The following NEO1 variants were observed in gnomAD, a reference collection of about 807,000 sequenced individuals.
The protein encoded by NEO1 is neogenin 1.
Under a neutral mutation model 159.7 loss-of-function variants are expected in NEO1, and 63 were observed. That is an observed-to-expected ratio of 0.39 (90% CI 0.32 to 0.49). NEO1 has a LOEUF of 0.49. Ranked by LOEUF, NEO1 falls within the 20% of genes least tolerant of loss-of-function variation. The pLI is 0.85. For missense variants in NEO1, 1,615 were observed against 1,831.0 expected (o/e 0.88, Z 2.15); for synonymous variants, 633 against 662.0 (o/e 0.96, Z 0.67).
At chr15:73,222,270 A>C (rs2038337333) in intron 7 of NEO1, among the ~76,000 whole-genome samples, 1 of 151,074 alleles carries the variant, frequency 6.6e-6, no homozygotes, top group Non-Finnish European at 1.5e-5. Flanking sequence ...ACACCCAGCT[A>C]ATTTTTTGTA....
chr15:73,077,467 T>G (rs2068829880), intron 1 of NEO1, among the ~76,000 whole-genome samples: 1 of 152,194 alleles, frequency 6.6e-6, no homozygotes, highest in Admixed American at 6.5e-5. Flanking sequence ...CATAAACAAG[T>G]AAGTACAAGG....
intron 22 of NEO1, among the ~76,000 whole-genome samples, chr15:73,280,296 A>G (rs1258107090): frequency 6.6e-6 from 1 of 152,166 alleles, no homozygotes; most frequent in African/African-American, 2.4e-5. Context: ...AAAAAAAAAA[A>G]AAGGAAGCTG....
At chr15:73,107,889 A>G (rs1455836561) in intron 1 of NEO1, among the ~76,000 whole-genome samples, 1 of 152,192 alleles carries the variant, frequency 6.6e-6, no homozygotes, top group Non-Finnish European at 1.5e-5. Flanking sequence ...GTGGCTTATA[A>G]GATATTTCTA....
intron 7 of NEO1, among the ~76,000 whole-genome samples, chr15:73,236,134 T>G (rs974647032): frequency 6.6e-6 from 1 of 152,226 alleles, no homozygotes; most frequent in Admixed American, 6.5e-5. Context: ...CATGTTAGCC[T>G]TCAGTTTAAT....
At chr15:73,291,710 A>G (rs928849154) in intron 25 of NEO1, among the ~76,000 whole-genome samples, 1 of 152,218 alleles carries the variant, frequency 6.6e-6, no homozygotes, top group Non-Finnish European at 1.5e-5. Flanking sequence ...GTTCAGAGTC[A>G]GCTAACAGCT....
chr15:73,289,178 G>A lies in NEO1; in HGVS notation c.3682G>A (p.Ala1228Thr). Residue 1228 changes from alanine (A) to threonine (T), a missense_variant, in exon 25 of 29, where the codon GCT becomes ACT. By Grantham distance (58) the Ala-to-Thr change is moderately conservative. Coordinates refer to ENST00000261908, the MANE Select transcript of NEO1 (RefSeq NM_002499.4). ...GTCAGAGGACAGCATGTCTACACTG[G>A]CTGGAAGGCGAGGAATGAGACCAAA... is the stretch of plus-strand genomic sequence containing the variant. Reference protein sequence around the residue: ...HESEDSMSTLAGRRGMRPKMM... With the variant: ...HESEDSMSTLTGRRGMRPKMM... The A allele has an allele frequency of 6.2e-7, 1 of 1,614,064 alleles. No homozygotes were observed. The highest frequency in any genetic ancestry group is 8.5e-7 in the Non-Finnish European group (1 of 1,179,998).
chr15:73,105,347 G>A (rs2070632740), intron 1 of NEO1, among the ~76,000 whole-genome samples: 1 of 152,186 alleles, frequency 6.6e-6, no homozygotes, highest in Non-Finnish European at 1.5e-5. Flanking sequence ...AGTGCCTGCT[G>A]CGTGTTGTGT....
rs57566986 is a variant in NEO1 at position 73,244,954 on chromosome 15, C to CAAAAAAAAAAAAAAAAAAA, written c.1606+467_1606+485dup. Among the ~76,000 whole-genome samples the CAAAAAAAAAAAAAAAAAAA allele has an allele frequency of 1.5e-3, 24 of 16,522 alleles. 1 individual carries two copies. The highest frequency in any genetic ancestry group is 3.1e-3 in the Admixed American group (3 of 966). The allele number at this position is 16,522 out of a possible 152,430, so 10.8% of individuals were successfully genotyped here. On this transcript the variant is annotated intron_variant, in intron 9 of 28. Coordinates refer to ENST00000261908, the MANE Select transcript of NEO1 (RefSeq NM_002499.4). ...TGGGTGACAGAGTGAGACTCTGTCTCAAAAAAAAAAAAAAAAAAAAAAAAA... is the reference window on the plus strand; with the variant it reads ...TGGGTGACAGAGTGAGACTCTGTCTCAAAAAAAAAAAAAAAAAAAAAAAAAAAAAAAAAAAAAAAAAAAA...
chr15:73,149,591 C>A (rs2151828509), intron 5 of NEO1, among the ~76,000 whole-genome samples: 1 of 147,980 alleles, frequency 6.8e-6, no homozygotes, highest in South Asian at 2.2e-4. Flanking sequence ...TTCAGTGATT[C>A]TTGTGCAGAA....
At chr15:73,283,963 T>C (rs2041837681) in intron 23 of NEO1, among the ~76,000 whole-genome samples, 1 of 152,210 alleles carries the variant, frequency 6.6e-6, no homozygotes, top group African/African-American at 2.4e-5. Context: ...ATAATCAATT[T>C]ATCAGTTTCT....
intron 3 of NEO1, among the ~76,000 whole-genome samples, chr15:73,124,521 T>C (rs2029897231): frequency 6.6e-6 from 1 of 152,158 alleles, no homozygotes; most frequent in South Asian, 2.1e-4. Context: ...CTTTTCTCCC[T>C]CACTCGAAGA....
At chr15:73,266,649 T>A (rs962894025) in intron 16 of NEO1, among the ~76,000 whole-genome samples, 3 of 152,064 alleles carry the variant, frequency 2.0e-5, no homozygotes, top group Non-Finnish European at 2.9e-5. Flanking sequence ...ATATACACGT[T>A]TTTAATCTGT....
intron 1 of NEO1, among the ~76,000 whole-genome samples, chr15:73,114,353 C>T (rs1275071231): frequency 2.0e-5 from 3 of 152,162 alleles, no homozygotes; most frequent in Non-Finnish European, 4.4e-5. Context: ...TTGTAAAAGG[C>T]AACGGCAAGC....
chr15:73,290,206 T>A (rs1279609295), intron 25 of NEO1, among the ~76,000 whole-genome samples: 1 of 150,736 alleles, frequency 6.6e-6, no homozygotes, highest in African/African-American at 2.4e-5. Flanking sequence ...AGAATAGCTT[T>A]AGGTTTTACT....
intron 7 of NEO1, among the ~76,000 whole-genome samples, chr15:73,200,533 G>A (rs1283658124): frequency 6.6e-6 from 1 of 151,398 alleles, no homozygotes; most frequent in Non-Finnish European, 1.5e-5. Context: ...TAGAGAGAGA[G>A]AGAGAGAGGA....
At chr15:73,249,246 A>G in intron 10 of NEO1, 38 bp downstream of exon 10, 2 of 1,600,662 alleles carry the variant, frequency 1.2e-6, no homozygotes, top group Non-Finnish European at 1.7e-6. Context: ...ATTGATTGGA[A>G]TAGTAGAGTT....
chr15:73,067,338 A>T (rs931888414), intron 1 of NEO1, among the ~76,000 whole-genome samples: 3 of 152,132 alleles, frequency 2.0e-5, no homozygotes, highest in Non-Finnish European at 4.4e-5. Context: ...AGTTGATAGA[A>T]CAATCATTCT....
intron 7 of NEO1, among the ~76,000 whole-genome samples, chr15:73,186,573 A>C (rs2035941336): frequency 6.6e-6 from 1 of 151,774 alleles, no homozygotes; most frequent in Non-Finnish European, 1.5e-5. Context: ...CAGGCCCACA[A>C]AATTTTTTTC....
rs3736510 is a variant in NEO1, at chr15:73,249,172, A to G, written c.1719A>G (p.Lys573=). 0.48 allele frequency: 771,621 copies of G among 1,613,148 alleles called. 190,211 individuals are homozygous for G. The highest frequency in any genetic ancestry group is 0.54 in the Admixed American group (32,467 of 59,984). The change falls in exon 10 of 29, where the codon AAA becomes AAG. Residue 573 remains lysine (K), a synonymous_variant. Coordinates refer to ENST00000261908, the MANE Select transcript of NEO1 (RefSeq NM_002499.4). ...VSGNGEIQNY[K]LYYMEKGTDK... ...GCAATGGGGAAATTCAGAATTATAA[A>G]TTGTACTACATGGAAAAGGGGACTG...
Sources: allele counts gnomAD v4.1 joint callset (sites outside exome capture counted in the v4.1 genomes callset), GRCh38; gene constraint gnomAD v4.1.1; transcripts MANE v1.5; gene names NCBI Gene and HGNC (gene_info 2026-07-23, HGNC 2026-07-21).